KCNH7: variants seen among roughly 807,000 people sequenced by gnomAD.
The protein encoded by KCNH7 is voltage-gated inwardly rectifying potassium channel KCNH7.
In KCNH7, 49 loss-of-function variants were observed where a neutral mutation model predicts 120.8. The observed-to-expected ratio is 0.41, with a 90% confidence interval of 0.32 to 0.51. The LOEUF is 0.51. Among genes scored for constraint, KCNH7 ranks in the 20% least tolerant of loss-of-function variants. The pLI, the probability that KCNH7 is intolerant of heterozygous loss-of-function variation, is 0.38. For synonymous variants in KCNH7, 547 were observed against 516.1 expected (o/e 1.06, Z -0.81); for missense variants, 1,097 against 1,446.6 (o/e 0.76, Z 3.92).
At chr2:162,460,140 C>T (rs1430334867) in intron 6 of KCNH7, among the ~76,000 whole-genome samples, 1 of 150,708 alleles carries the variant, frequency 6.6e-6, no homozygotes, top group Non-Finnish European at 1.5e-5. Flanking sequence ...TGCTAAGGCT[C>T]ACTTTGCTCA....
intron 3 of KCNH7, among the ~76,000 whole-genome samples, chr2:162,536,223 C>T (rs149066889): frequency 1.3e-5 from 2 of 151,946 alleles, no homozygotes; most frequent in East Asian, 3.9e-4. Context: ...GCATTATTTT[C>T]TAGGTAAGCT....
chr2:162,587,014 T>C (rs748695840), intron 2 of KCNH7, among the ~76,000 whole-genome samples: 18 of 152,092 alleles, frequency 1.2e-4, no homozygotes, highest in Non-Finnish European at 2.2e-4. Flanking sequence ...TGTTTTTCCA[T>C]CACTAATTCT....
At chr2:162,518,839 A>T (rs1691416064) in intron 3 of KCNH7, among the ~76,000 whole-genome samples, 3 of 144,604 alleles carry the variant, frequency 2.1e-5, no homozygotes, top group African/African-American at 5.1e-5. Context: ...CCAAAATTGG[A>T]TAGTATGGCA....
intron 2 of KCNH7, among the ~76,000 whole-genome samples, chr2:162,806,799 T>A (rs1433869965): frequency 6.6e-6 from 1 of 152,116 alleles, no homozygotes; most frequent in African/African-American, 2.4e-5. Flanking sequence ...GGAGTAGTGA[T>A]TTTTTGTTTT....
intron 8 of KCNH7, among the ~76,000 whole-genome samples, chr2:162,428,722 T>C (rs983942832): frequency 1.3e-4 from 20 of 151,910 alleles, no homozygotes; most frequent in African/African-American, 1.9e-4. Context: ...AGTTCTGTAA[T>C]TGAGTGCATA....
chr2:162,474,491 AT>A (rs1246792875), intron 6 of KCNH7, among the ~76,000 whole-genome samples: 1 of 152,254 alleles, frequency 6.6e-6, no homozygotes, highest in African/African-American at 2.4e-5. Flanking sequence ...GATGCCTTGA[AT>A]TAAGATTTCT....
chr2:162,504,380 T>A, intron 6 of KCNH7, 63 bp downstream of exon 6: 1 of 1,200,974 alleles, frequency 8.3e-7, no homozygotes, highest in Non-Finnish European at 1.2e-6. Flanking sequence ...AAAAAGAATA[T>A]GTTTCATGGT....
At chr2:162,587,953 C>T (rs897866203) in intron 2 of KCNH7, among the ~76,000 whole-genome samples, 10 of 152,214 alleles carry the variant, frequency 6.6e-5, no homozygotes, top group South Asian at 4.1e-4. Flanking sequence ...TACCAAACAA[C>T]GCATTTCCCA....
intron 2 of KCNH7, among the ~76,000 whole-genome samples, chr2:162,824,976 A>G (rs926459127): frequency 1.3e-5 from 2 of 152,056 alleles, no homozygotes; most frequent in African/African-American, 2.4e-5. Context: ...TAGATAATAA[A>G]TAAGAAATAT....
At chr2:162,504,799 C>T (rs187392381) in intron 5 of KCNH7, 142 bp from the exon 6 acceptor site, 5 of 622,466 alleles carry the variant, frequency 8.0e-6, no homozygotes, top group Non-Finnish European at 1.4e-5. Context: ...TACCTGGACA[C>T]AGGGCTTAGG....
chr2:162,701,427 G>A (rs59452549), intron 2 of KCNH7, among the ~76,000 whole-genome samples: 3 of 151,892 alleles, frequency 2.0e-5, no homozygotes, highest in Non-Finnish European at 1.5e-5. Flanking sequence ...TACAGACACT[G>A]TCAAAAATTT....
intron 2 of KCNH7, among the ~76,000 whole-genome samples, chr2:162,560,672 A>G (rs2105878052): frequency 6.6e-6 from 1 of 152,364 alleles, no homozygotes; most frequent in South Asian, 2.1e-4. Flanking sequence ...TTTAGAACCT[A>G]TAGTTTTAAT....
rs540642589 is a variant in KCNH7, at chr2:162,566,073, T to C, written c.308-28993A>G. Among the ~76,000 whole-genome samples the C allele has an allele frequency of 3.9e-5, 6 of 152,126 alleles. No homozygotes were observed. The East Asian group carries it at 9.7e-4, about 25-fold the overall frequency. ...ATCTGGGAACCATGACCTGCCACTT[T>C]AATGCTCATAGTGGGGGACTGAAAG... On this transcript the variant is annotated intron_variant, in intron 2 of 15. Coordinates refer to ENST00000332142, the MANE Select transcript of KCNH7 (RefSeq NM_033272.4).
rs1573914995 is a variant in KCNH7, at chr2:162,400,330, C to T, written c.2266G>A (p.Ala756Thr). The T allele has an allele frequency of 6.2e-7, 1 of 1,612,460 alleles. No homozygotes were observed. The highest frequency in any genetic ancestry group is 1.3e-5 in the African/African-American group (1 of 74,846). ...GTGGTTTTGAACTTCATTGCCAAAG[C>T]TCTAAGGCAACCTTTACTTGCCCCC... ...FRGASKGCLR[A>T]LAMKFKTTHA... Residue 756 changes from alanine (A) to threonine (T), a missense_variant, in exon 10 of 16, where the codon GCT becomes ACT. This residue lies in a region of KCNH7 where 101 missense variants were observed against 176.3 expected (regional missense o/e 0.57). Transcript: ENST00000332142.
intron 2 of KCNH7, among the ~76,000 whole-genome samples, chr2:162,546,578 T>C (rs1035738840): frequency 6.6e-6 from 1 of 152,122 alleles, no homozygotes; most frequent in African/African-American, 2.4e-5. Context: ...CCCGTGTGGA[T>C]GTCATTTCTA....
At chr2:162,750,364 G>A (rs1688497204) in intron 2 of KCNH7, among the ~76,000 whole-genome samples, 1 of 151,624 alleles carries the variant, frequency 6.6e-6, no homozygotes, top group Admixed American at 6.6e-5. Context: ...AAAAAAACTG[G>A]ATAAATTTTA....
intron 2 of KCNH7, among the ~76,000 whole-genome samples, chr2:162,831,638 G>C (rs1411460111): frequency 6.6e-6 from 1 of 152,136 alleles, no homozygotes; most frequent in Non-Finnish European, 1.5e-5. Context: ...TGGATTCAGA[G>C]ATTATTTATA....
chr2:162,824,286 C>A (rs915755352), intron 2 of KCNH7, among the ~76,000 whole-genome samples: 1 of 152,088 alleles, frequency 6.6e-6, no homozygotes. Flanking sequence ...CACTAGGACA[C>A]CTTCTGCTTA....
chr2:162,425,553 C>T (rs911243338), intron 8 of KCNH7, among the ~76,000 whole-genome samples: 1 of 152,044 alleles, frequency 6.6e-6, no homozygotes, highest in Admixed American at 6.6e-5. Context: ...GTGAAAAATA[C>T]GTTTTACTCA....
Sources: gnomAD v4.1 joint callset for allele counts (sites outside exome capture counted in the v4.1 genomes callset) on GRCh38, gnomAD v4.1.1 for gene constraint, gnomAD v4.1.1 regional missense constraint, MANE v1.5 for transcripts, NCBI Gene and HGNC (gene_info 2026-07-23, HGNC 2026-07-21) for gene names.